The following GPSM2 variants were observed in gnomAD, a reference collection of about 807,000 sequenced individuals.
The protein encoded by GPSM2 is G protein-signaling modulator 2.
Under a neutral mutation model 78.4 loss-of-function variants are expected in GPSM2, and 58 were observed. The ratio of observed to expected loss-of-function variants is 0.74; its 90% confidence interval spans 0.60 to 0.92. GPSM2 has a LOEUF of 0.92. GPSM2 is among the 40% of genes least tolerant of loss of function. GPSM2 has a pLI of 0.00. For synonymous variants in GPSM2, 224 were observed against 280.2 expected (o/e 0.80, Z 2.00); for missense variants, 700 against 815.5 (o/e 0.86, Z 1.73).
At chr1:108,897,849 CAATATAAA>C in intron 4 of GPSM2, 102 bp from the exon 5 acceptor site, 3 of 1,080,660 alleles carry the variant, frequency 2.8e-6, no homozygotes, top group Admixed American at 2.0e-5. Flanking sequence ...TATGGAGAGC[CAATATAAA>C]AATTTTTTTC....
At chr1:108,880,579 C>CA (rs56323759) in intron 1 of GPSM2, among the ~76,000 whole-genome samples, 25,883 of 119,628 alleles carry the variant, frequency 0.22, 2,781 homozygotes, top group East Asian at 0.4. Context: ...GACTCCGTCT[C>CA]AAAAAAAAAA....
intron 11 of GPSM2, among the ~76,000 whole-genome samples, chr1:108,915,151 T>A (rs111632533): frequency 0.021 from 3,211 of 151,912 alleles, 113 homozygotes; most frequent in African/African-American, 0.072. Flanking sequence ...GGTGGGTGGA[T>A]CACGAGGTCA....
In GPSM2 at chr1:108,924,456, T is replaced by C. The variant is rs566457764; in HGVS notation, c.1815+242T>C. The C allele has an allele frequency of 1.1e-5, 6 of 548,700 alleles. No homozygotes were observed. The East Asian group carries it at 1.6e-4, about 15-fold the overall frequency. The allele number at this position is 548,700 out of a possible 1,614,324, so 34.0% of individuals were successfully genotyped here. On this transcript the variant is annotated intron_variant, in intron 14 of 14. Transcript: ENST00000264126. ...AGACGTGTGTGTGTGTGTATATATA[T>C]AGAGAGAGAGTATATGTGTGTTGTA...
intron 10 of GPSM2, 28 bp downstream of exon 10, chr1:108,904,282 T>G: frequency 7.2e-7 from 1 of 1,380,002 alleles, no homozygotes; most frequent in South Asian, 1.2e-5. Flanking sequence ...TAAAACCCAA[T>G]TTTTTTATCC....
Position 108,929,783 on chromosome 1 carries a change from G to A in GPSM2, c.1898G>A (p.Ser633Asn), listed in dbSNP as rs144830055. Residue 633 changes from serine (S) to asparagine (N), a missense_variant, in exon 15 of 15, where the codon AGC (serine) becomes AAC (asparagine). Coordinates refer to ENST00000264126, the MANE Select transcript of GPSM2 (RefSeq NM_013296.5). ...GPTVPDEDFF[S>N]LILRSQGKRM... ...ACAGTACCAGATGAAGACTTTTTCAGCCTTATTTTACGGTCCCAGGGAAAG... is the reference window on the plus strand; with the variant it reads ...ACAGTACCAGATGAAGACTTTTTCAACCTTATTTTACGGTCCCAGGGAAAG... The A allele has an allele frequency of 1.2e-5, 19 of 1,613,878 alleles. No homozygotes were observed. The African/African-American group carries it at 2.3e-4, about 19-fold the overall frequency.
At chr1:108,913,024 T>C (rs1463172209) in intron 10 of GPSM2, among the ~76,000 whole-genome samples, 1 of 152,078 alleles carries the variant, frequency 6.6e-6, no homozygotes, top group Admixed American at 6.6e-5. Flanking sequence ...TAGAAACTTA[T>C]GAGGTAAACA....
chr1:108,928,248 G>A (rs1012034560), intron 14 of GPSM2, among the ~76,000 whole-genome samples: 2 of 152,226 alleles, frequency 1.3e-5, no homozygotes, highest in African/African-American at 2.4e-5. Flanking sequence ...AACTGGAAGA[G>A]GCATTTCTAT....
intron 14 of GPSM2, chr1:108,924,471 T>A: frequency 2.0e-6 from 1 of 505,498 alleles, no homozygotes; most frequent in Non-Finnish European, 3.6e-6. Flanking sequence ...AGAGAGTATA[T>A]GTGTGTTGTA....
chr1:108,921,831 G>A (rs1277094523), intron 12 of GPSM2, among the ~76,000 whole-genome samples: 1 of 151,918 alleles, frequency 6.6e-6, no homozygotes, highest in East Asian at 1.9e-4. Flanking sequence ...TTTTGTATAT[G>A]TGCCTCTATT....
rs893010716 is a variant in GPSM2 at position 108,899,742 on chromosome 1, C to G, written c.797+748C>G. Among the ~76,000 whole-genome samples the G allele has an allele frequency of 2.6e-5, 4 of 151,980 alleles. No homozygotes were observed. The East Asian group carries it at 7.7e-4, about 29-fold the overall frequency. On this transcript the variant is annotated intron_variant, in intron 7 of 14. Transcript: ENST00000264126. The stretch of plus-strand genomic sequence containing the variant: ...TGGGTAGAAGGCAGTTTGACTAAAC[C>G]GAAGACACAGTGATTGATTTGTATT...
intron 7 of GPSM2, among the ~76,000 whole-genome samples, chr1:108,901,408 G>T (rs756120263): frequency 6.6e-6 from 1 of 152,078 alleles, no homozygotes; most frequent in Non-Finnish European, 1.5e-5. Flanking sequence ...CAAAGGTGAC[G>T]GTATGATTGA....
At chr1:108,925,921 C>T (rs1651083532) in intron 14 of GPSM2, among the ~76,000 whole-genome samples, 1 of 151,202 alleles carries the variant, frequency 6.6e-6, no homozygotes, top group Non-Finnish European at 1.5e-5. Context: ...TCTGGGGTAA[C>T]TGAAGAACAC....
chr1:108,917,667 A>AT lies in GPSM2; in HGVS notation c.1264-946_1264-945insT, dbSNP rs1179153795. On this transcript the variant is annotated intron_variant, in intron 11 of 14. Transcript: ENST00000264126. ...ATATATATATATATATATATATATA[A>AT]ATGAGTTCTCACTATGTTGTCCAGG... 6.9e-4 allele frequency among the ~76,000 whole-genome samples: 34 copies of AT among 49,286 alleles called. 2 individuals carry two copies. The highest frequency in any genetic ancestry group is 1.3e-3 in the Non-Finnish European group (30 of 23,176). 32.3% of individuals were successfully genotyped at this position (49,286 alleles called of 152,430 possible). A position where few individuals can be genotyped will look rare whatever the true frequency, so the allele number is the denominator to read the frequency against.
At chr1:108,914,056 T>C (rs1247033495) in intron 10 of GPSM2, among the ~76,000 whole-genome samples, 3 of 152,254 alleles carry the variant, frequency 2.0e-5, no homozygotes, top group Non-Finnish European at 4.4e-5. Context: ...CCAGTTGTTA[T>C]AAAATGCCTT....
chr1:108,923,177 C>T (rs900350438), intron 13 of GPSM2, among the ~76,000 whole-genome samples: 3 of 152,094 alleles, frequency 2.0e-5, no homozygotes, highest in Admixed American at 1.3e-4. Context: ...GGACTACAGG[C>T]ACACACCACC....
intron 13 of GPSM2, among the ~76,000 whole-genome samples, chr1:108,923,339 A>G (rs1323947721): frequency 1.3e-5 from 2 of 152,148 alleles, no homozygotes; most frequent in Non-Finnish European, 2.9e-5. Flanking sequence ...CAGCCTAAAT[A>G]TAACTTTTAA....
Position 108,922,591 on chromosome 1 carries a change from T to A in GPSM2, c.1600+15T>A. ...GATGCTAAAAAGTAAGTCATCTCTG[T>A]TTCTCCCCCGATTTTAATAGTTCTC... On this transcript the variant is annotated intron_variant, in intron 13 of 14. Coordinates refer to ENST00000264126, the MANE Select transcript of GPSM2 (RefSeq NM_013296.5). The A allele has an allele frequency of 6.3e-7, 1 of 1,597,944 alleles. No individual in the cohort carries two copies. The highest frequency in any genetic ancestry group is 8.6e-7 in the Non-Finnish European group (1 of 1,165,502).
chr1:108,894,343 G>A (rs1026974181), intron 2 of GPSM2, among the ~76,000 whole-genome samples: 1 of 152,122 alleles, frequency 6.6e-6, no homozygotes, highest in African/African-American at 2.4e-5. Flanking sequence ...TAATTGGCTT[G>A]TAGTCTAATA....
chr1:108,929,838 AAG>A lies in GPSM2; in HGVS notation c.1957_1958del (p.Asp653SerfsTer6). The A allele has an allele frequency of 6.2e-7, 1 of 1,614,080 alleles. No homozygotes were observed. The highest frequency in any genetic ancestry group is 8.5e-7 in the Non-Finnish European group (1 of 1,179,948). The stretch of plus-strand genomic sequence containing the variant: ...TGGATGAACAGAGAGTTCTTTTACA[AAG>A]AGATCAAAACAGAGACACTGACTTT... Reference protein sequence around the residue: ...RMDEQRVLLQRDQNRDTDFGL... With the variant: ...RMDEQRVLLQXDQNRDTDFGL... On this transcript the variant is annotated frameshift_variant, in exon 15 of 15. Coordinates refer to ENST00000264126, the MANE Select transcript of GPSM2 (RefSeq NM_013296.5). LOFTEE classifies it high-confidence loss of function.
Sources: gnomAD v4.1 joint callset for allele counts (sites outside exome capture counted in the v4.1 genomes callset) on GRCh38, gnomAD v4.1.1 for gene constraint, MANE v1.5 for transcripts, NCBI Gene and HGNC (gene_info 2026-07-23, HGNC 2026-07-21) for gene names.